The following WWOX variants were observed in gnomAD, a reference collection of about 807,000 sequenced individuals.
The protein encoded by WWOX is WW domain-containing oxidoreductase.
WWOX carries 69 observed loss-of-function variants against 46.2 expected under a neutral mutation model. That is an observed-to-expected ratio of 1.49 (90% CI 1.23 to 1.82). The LOEUF (loss-of-function observed/expected upper bound fraction) is 1.82. WWOX is among the 40% of genes most tolerant of loss of function. The probability of loss-of-function intolerance (pLI) is 0.00; values close to 1 mark genes in which losing one functional copy is unlikely to be tolerated. For missense variants in WWOX, 919 were observed against 542.6 expected (o/e 1.69, Z -6.89); for synonymous variants, 359 against 202.6 (o/e 1.77, Z -6.56).
At chr16:78,719,368 G>A (rs2042433) in intron 8 of WWOX, among the ~76,000 whole-genome samples, 101,556 of 152,190 alleles carry the variant, frequency 0.67, 34,929 homozygotes, top group African/African-American at 0.85. Context: ...TAAATCTTCT[G>A]TCAGGTGATG....
intron 5 of WWOX, among the ~76,000 whole-genome samples, chr16:78,297,866 A>T (rs1014902177): frequency 6.6e-6 from 1 of 152,106 alleles, no homozygotes; most frequent in African/African-American, 2.4e-5. Context: ...TTCCATATGG[A>T]GTTGATATGG....
chr16:78,229,097 C>T (rs1214477778), intron 5 of WWOX, among the ~76,000 whole-genome samples: 1 of 152,136 alleles, frequency 6.6e-6, no homozygotes, highest in Non-Finnish European at 1.5e-5. Flanking sequence ...CTCTCTGTAG[C>T]TTCTTCCAGC....
chr16:78,454,186 A>G lies in WWOX; in HGVS notation c.1056+21434A>G, dbSNP rs369924106. Among the ~76,000 whole-genome samples, 12 of 152,250 alleles carry G rather than the reference A, an allele frequency of 7.9e-5. No individual in the cohort carries two copies. In the South Asian group the frequency reaches 1.5e-3, roughly 18 times the overall value. The stretch of plus-strand genomic sequence containing the variant: ...AATCTAATTGTTTCCCAAACTTTCA[A>G]TGTTTTGGATGACTTTGGAAGCCTT... On this transcript the variant is annotated intron_variant, in intron 8 of 8. Transcript: ENST00000566780.
Position 78,759,499 on chromosome 16 carries a change from G to A in WWOX, c.1056+326747G>A, listed in dbSNP as rs183367371. On this transcript the variant is annotated intron_variant, in intron 8 of 8. Transcript: ENST00000566780. ...TGCCCTTGAAGCCTCTTGACATACA[G>A]TGTCATCAAGGAGCAGTGGGTGAGC... Among the ~76,000 whole-genome samples the A allele has an allele frequency of 5.9e-5, 9 of 152,248 alleles. No individual in the cohort carries two copies. The East Asian group carries it at 1.4e-3, about 23-fold the overall frequency.
In WWOX at chr16:79,127,023, T is replaced by A. The variant is rs550875653; in HGVS notation, c.1057-84585T>A. 6.6e-5 allele frequency among the ~76,000 whole-genome samples: 10 copies of A among 152,256 alleles called. No individual in the cohort carries two copies. The South Asian group carries it at 2.1e-3, about 32-fold the overall frequency. On this transcript the variant is annotated intron_variant, in intron 8 of 8. Transcript: ENST00000566780. ...TTTTTTTAAACTTATTTCTTTAATT[T>A]TATTTTTTTTTAAATTAGGATTAAA...
chr16:78,203,840 A>G (rs549376841), intron 5 of WWOX, among the ~76,000 whole-genome samples: 1 of 152,304 alleles, frequency 6.6e-6, no homozygotes, highest in South Asian at 2.1e-4. Context: ...TCCCTTTCTC[A>G]TAGTATGATT....
chr16:78,867,452 G>T (rs1597081850), intron 8 of WWOX, among the ~76,000 whole-genome samples: 1 of 151,818 alleles, frequency 6.6e-6, no homozygotes, highest in South Asian at 2.1e-4. Flanking sequence ...TTGACAGATG[G>T]GGAATCTGAG....
intron 8 of WWOX, among the ~76,000 whole-genome samples, chr16:78,811,721 C>T (rs1162324637): frequency 6.6e-6 from 1 of 151,982 alleles, no homozygotes; most frequent in African/African-American, 2.4e-5. Context: ...GGGGACCCAT[C>T]CTCAAGACTT....
chr16:78,791,520 C>G (rs1198830120), intron 8 of WWOX, among the ~76,000 whole-genome samples: 4 of 152,070 alleles, frequency 2.6e-5, no homozygotes, highest in African/African-American at 4.8e-5. Context: ...CTTGTGTTCC[C>G]CAGATGGGTT....
rs536014545 is a variant in WWOX at position 78,957,333 on chromosome 16, C to T, written c.1057-254275C>T. Reference sequence around the variant, plus strand: ...GCATCTAATGATGCTGTTTTGAGATCACAAGAAAGAATTATATTAGCTTGA... The same window carrying T: ...GCATCTAATGATGCTGTTTTGAGATTACAAGAAAGAATTATATTAGCTTGA... On this transcript the variant is annotated intron_variant, in intron 8 of 8. Coordinates refer to ENST00000566780, the MANE Select transcript of WWOX (RefSeq NM_016373.4). 2.0e-5 allele frequency among the ~76,000 whole-genome samples: 3 copies of T among 152,292 alleles called. 1 individual carries two copies. The East Asian group carries it at 5.8e-4, about 29-fold the overall frequency.
chr16:79,071,869 C>G (rs1442802901), intron 8 of WWOX, among the ~76,000 whole-genome samples: 1 of 152,210 alleles, frequency 6.6e-6, no homozygotes, highest in African/African-American at 2.4e-5. Flanking sequence ...GTGTTGCAAC[C>G]AACTCCATGT....
At chr16:78,224,932 C>G (rs1228226723) in intron 5 of WWOX, among the ~76,000 whole-genome samples, 1 of 152,086 alleles carries the variant, frequency 6.6e-6, no homozygotes. Flanking sequence ...TGACTGATTT[C>G]TATCTTGGTG....
At chr16:78,674,350 T>C (rs1402621426) in intron 8 of WWOX, among the ~76,000 whole-genome samples, 1 of 151,444 alleles carries the variant, frequency 6.6e-6, no homozygotes, top group African/African-American at 2.4e-5. Context: ...AGTGGTGCGA[T>C]CTTGGCTCAC....
At chr16:78,577,579 C>G (rs1313345081) in intron 8 of WWOX, among the ~76,000 whole-genome samples, 3 of 152,116 alleles carry the variant, frequency 2.0e-5, no homozygotes, top group African/African-American at 7.2e-5. Context: ...AGCTTTGGGA[C>G]GATGAACAAT....
chr16:78,508,028 GACGGAGTCTTGCTC>G (rs2085259484), intron 8 of WWOX, among the ~76,000 whole-genome samples: 1 of 150,806 alleles, frequency 6.6e-6, no homozygotes, highest in African/African-American at 2.4e-5. Context: ...GTGTGTGTGT[GACGGAGTCTTGCTC>G]TGTCACTCAG....
At chr16:78,741,720 G>T (rs1056619751) in intron 8 of WWOX, among the ~76,000 whole-genome samples, 2 of 151,556 alleles carry the variant, frequency 1.3e-5, no homozygotes, top group Non-Finnish European at 2.9e-5. Flanking sequence ...TGGGGCATGG[G>T]GCGGGTGCTC....
At chr16:78,897,665 C>T (rs572333455) in intron 8 of WWOX, 1 of 152,000 alleles carries the variant, frequency 6.6e-6, no homozygotes, top group African/African-American at 2.4e-5. Flanking sequence ...TTTTTATGCC[C>T]TTATGTTTTT....
chr16:78,220,405 T>G (rs950229609), intron 5 of WWOX, among the ~76,000 whole-genome samples: 1 of 42,124 alleles, frequency 2.4e-5, no homozygotes, highest in Non-Finnish European at 3.9e-5. Flanking sequence ...ATAACAAACA[T>G]ATAACAATGC....
chr16:78,725,058 G>C (rs952174078), intron 8 of WWOX, among the ~76,000 whole-genome samples: 18 of 152,224 alleles, frequency 1.2e-4, no homozygotes, highest in Middle Eastern at 6.8e-3. Flanking sequence ...TTGTGGGAGG[G>C]ACCGGGTGGG....
Sources: allele counts gnomAD v4.1 joint callset (sites outside exome capture counted in the v4.1 genomes callset), GRCh38; gene constraint gnomAD v4.1.1; transcripts MANE v1.5; gene names NCBI Gene and HGNC (gene_info 2026-07-23, HGNC 2026-07-21).